The following JAM2 variants were observed in gnomAD, a reference collection of about 807,000 sequenced individuals.
JAM2 encodes the protein junctional adhesion molecule B.
JAM2 carries 17 observed loss-of-function variants against 42.0 expected under a neutral mutation model. That is an observed-to-expected ratio of 0.40 (90% CI 0.28 to 0.61). The LOEUF is 0.61. Among genes scored for constraint, JAM2 ranks in the 20% least tolerant of loss-of-function variants. JAM2 has a pLI of 0.37. For missense variants in JAM2, 319 were observed against 358.3 expected, an observed-to-expected ratio of 0.89 and a Z score of 0.89; for synonymous variants, 118 against 128.6, an observed-to-expected ratio of 0.92 and a Z score of 0.56.
intron 7 of JAM2, among the ~76,000 whole-genome samples, chr21:25,707,895 G>C (rs2034304669): frequency 6.6e-6 from 1 of 151,482 alleles, no homozygotes; most frequent in Non-Finnish European, 1.5e-5. Context: ...ACCCATGCCT[G>C]GTGCAGTGGT....
chr21:25,682,165 A>G (rs1038227299), intron 1 of JAM2, among the ~76,000 whole-genome samples: 8 of 152,170 alleles, frequency 5.3e-5, no homozygotes, highest in African/African-American at 1.9e-4. Context: ...TTAATTTCAG[A>G]GACTATAACA....
intron 1 of JAM2, among the ~76,000 whole-genome samples, chr21:25,678,654 G>A (rs187968187): frequency 4.6e-5 from 7 of 152,232 alleles, no homozygotes; most frequent in African/African-American, 1.7e-4. Context: ...CAATAGAAAG[G>A]ATCAGTTCAG....
At chr21:25,650,337 T>C (rs544539177) in intron 1 of JAM2, among the ~76,000 whole-genome samples, 1 of 152,340 alleles carries the variant, frequency 6.6e-6, no homozygotes, top group African/African-American at 2.4e-5. Context: ...TTTTGTGGGA[T>C]CTTGACACTT....
chr21:25,681,198 A>G (rs1366975338), intron 1 of JAM2, among the ~76,000 whole-genome samples: 4 of 152,222 alleles, frequency 2.6e-5, no homozygotes, highest in Non-Finnish European at 4.4e-5. Flanking sequence ...GTGAATAACG[A>G]AGGACAGCAG....
At chr21:25,682,701 C>A (rs936391818) in intron 1 of JAM2, among the ~76,000 whole-genome samples, 1 of 152,210 alleles carries the variant, frequency 6.6e-6, no homozygotes, top group Non-Finnish European at 1.5e-5. Flanking sequence ...AGCTCTTGCC[C>A]AGCATCCCAG....
intron 1 of JAM2, chr21:25,643,443 C>G (rs2032506289): frequency 6.6e-6 from 1 of 152,176 alleles, no homozygotes; most frequent in Non-Finnish European, 1.5e-5. Flanking sequence ...AGTCTAATCT[C>G]TCATCAACTG....
chr21:25,672,989 T>G (rs2033396773), intron 1 of JAM2, among the ~76,000 whole-genome samples: 1 of 152,210 alleles, frequency 6.6e-6, no homozygotes, highest in South Asian at 2.1e-4. Flanking sequence ...TCTACTAGAT[T>G]TGAATTGACT....
intron 1 of JAM2, among the ~76,000 whole-genome samples, chr21:25,647,602 A>G (rs2032650250): frequency 6.6e-6 from 1 of 152,208 alleles, no homozygotes; most frequent in South Asian, 2.1e-4. Context: ...GCTATTTTCT[A>G]ACTAGAACCA....
intron 1 of JAM2, among the ~76,000 whole-genome samples, chr21:25,682,690 G>A (rs1463901917): frequency 1.3e-5 from 2 of 152,236 alleles, no homozygotes; most frequent in Non-Finnish European, 2.9e-5. Context: ...TCTGTATCCT[G>A]AGCTCTTGCC....
rs60430187 is a variant in JAM2, at chr21:25,701,924, T to TA, written c.598-233dup. 4.7e-3 allele frequency among the ~76,000 whole-genome samples: 686 copies of TA among 144,740 alleles called. 4 individuals carry two copies. The highest frequency in any genetic ancestry group is 0.014 in the African/African-American group (566 of 39,826). The allele number at this position is 144,740 out of a possible 152,430, so 95.0% of individuals were successfully genotyped here. A position where few individuals can be genotyped will look rare whatever the true frequency, so the allele number is the denominator to read the frequency against. On this transcript the variant is annotated intron_variant, in intron 5 of 9. Transcript: ENST00000480456. ...TTCCTAACAGTACTGCTTTCATGGTTAAAAAAAAAAAAAGGAACTTCTCTG... is the reference window on the plus strand; with the variant it reads ...TTCCTAACAGTACTGCTTTCATGGTTAAAAAAAAAAAAAAGGAACTTCTCTG...
Position 25,715,800 on chromosome 21 carries a change from A to T in JAM2, c.*1128A>T, listed in dbSNP as rs187495318. 1 of 152,314 alleles carries T rather than the reference A, an allele frequency of 6.6e-6. No homozygotes were observed. Among genetic ancestry groups the T allele is most frequent in the Admixed American group, 6.5e-5 (1 of 15,296 alleles). The allele number at this position is 152,314 out of a possible 1,614,324, so 9.4% of individuals were successfully genotyped here. Reference sequence around the variant, plus strand: ...CTACTATTACAATGTGAAAATTCCAATGATCCGTTTACCAGAGCAATTAGA... The same window carrying T: ...CTACTATTACAATGTGAAAATTCCATTGATCCGTTTACCAGAGCAATTAGA... On this transcript the variant is annotated 3_prime_UTR_variant, in exon 10 of 10. Coordinates refer to ENST00000480456, the MANE Select transcript of JAM2 (RefSeq NM_021219.4).
intron 1 of JAM2, among the ~76,000 whole-genome samples, chr21:25,663,050 TC>T (rs1369921537): frequency 6.6e-6 from 1 of 152,138 alleles, no homozygotes; most frequent in East Asian, 1.9e-4. Context: ...GACAGTTAAG[TC>T]AGGTGTTAAA....
intron 5 of JAM2, among the ~76,000 whole-genome samples, 162 bp downstream of exon 5, chr21:25,699,041 T>C (rs576753067): frequency 3.0e-4 from 46 of 152,210 alleles, no homozygotes; most frequent in African/African-American, 1.1e-3. Flanking sequence ...CACGAAGTGA[T>C]GGAAAGAGCT....
intron 1 of JAM2, among the ~76,000 whole-genome samples, chr21:25,662,787 T>C (rs1034708761): frequency 1.3e-5 from 2 of 152,226 alleles, no homozygotes; most frequent in African/African-American, 2.4e-5. Context: ...TACATTTGAT[T>C]TGAAGACAAA....
chr21:25,710,154 G>A (rs1448720295), intron 8 of JAM2: 2 of 152,016 alleles, frequency 1.3e-5, no homozygotes, highest in Non-Finnish European at 1.5e-5. Flanking sequence ...GATTTCATAG[G>A]CATTTGTATA....
At chr21:25,655,740 C>A (rs549352935) in intron 1 of JAM2, among the ~76,000 whole-genome samples, 12 of 149,536 alleles carry the variant, frequency 8.0e-5, no homozygotes, top group African/African-American at 9.9e-5. Flanking sequence ...AGGTGATCCG[C>A]CTGCCTTGGC....
chr21:25,709,457 T>C lies in JAM2; in HGVS notation c.821+8T>C, dbSNP rs761103528. ...AGAAGAAACCTCCTTCCAGTAAGTA[T>C]ACTTTCCTACAATGCATGTCTTTCT... is the stretch of plus-strand genomic sequence containing the variant. On this transcript the variant is annotated splice_region_variant and intron_variant, in intron 8 of 9. Transcript: ENST00000480456. 16 of 1,450,954 alleles carry C rather than the reference T, an allele frequency of 1.1e-5. No individual in the cohort carries two copies. The highest frequency in any genetic ancestry group is 5.7e-6 in the Non-Finnish European group (6 of 1,046,352). 89.9% of individuals were successfully genotyped at this position (1,450,954 alleles called of 1,614,324 possible).
At chr21:25,714,509 T>TA (rs1450175046) in intron 9 of JAM2, 131 bp from the exon 10 acceptor site, 21 of 680,494 alleles carry the variant, frequency 3.1e-5, no homozygotes, top group Middle Eastern at 4.5e-4. Flanking sequence ...AAAAATAAAA[T>TA]AAATAAATAA....
chr21:25,689,789 A>G lies in JAM2; in HGVS notation c.134-77A>G. On this transcript the variant is annotated intron_variant, in intron 2 of 9. Coordinates refer to ENST00000480456, the MANE Select transcript of JAM2 (RefSeq NM_021219.4). ...AAAGGAGTAATTTAAAGTTGTTTAC[A>G]ATTTTGTTACCTAGTTAAGTAAAAT... is the stretch of plus-strand genomic sequence containing the variant. 6 of 888,966 alleles carry G rather than the reference A, an allele frequency of 6.7e-6. 1 individual carries two copies. Among genetic ancestry groups the G allele is most frequent in the Non-Finnish European group, 1.1e-5 (6 of 546,600 alleles). The allele number at this position is 888,966 out of a possible 1,614,324, so 55.1% of individuals were successfully genotyped here. A position where few individuals can be genotyped will look rare whatever the true frequency, so the allele number is the denominator to read the frequency against.
Sources: allele counts gnomAD v4.1 joint callset (sites outside exome capture counted in the v4.1 genomes callset), GRCh38; gene constraint gnomAD v4.1.1; transcripts MANE v1.5; gene names NCBI Gene and HGNC (gene_info 2026-07-23, HGNC 2026-07-21).